Variants in GJB7 observed in about 807,000 individuals in gnomAD.
GJB7 encodes gap junction protein beta 7.
For missense variants in GJB7, 253 were observed against 256.8 expected (o/e 0.99, Z 0.10); for synonymous variants, 87 against 95.2 (o/e 0.91, Z 0.50).
At chr6:87,324,232 C>G (rs1283458629) in intron 1 of GJB7, among the ~76,000 whole-genome samples, 1 of 152,132 alleles carries the variant, frequency 6.6e-6, no homozygotes. Context: ...GTTGCCTGTT[C>G]ACTCTGATGG....
At chr6:87,328,785 T>C (rs1001649560) in intron 1 of GJB7, among the ~76,000 whole-genome samples, 1 of 152,200 alleles carries the variant, frequency 6.6e-6, no homozygotes, top group African/African-American at 2.4e-5. Flanking sequence ...TCCACCCAGT[T>C]CGAGCTTCCC....
chr6:87,319,126 C>A (rs141735432), intron 2 of GJB7, among the ~76,000 whole-genome samples: 1 of 152,160 alleles, frequency 6.6e-6, no homozygotes, highest in Non-Finnish European at 1.5e-5. Context: ...TTTATGCAAT[C>A]CCATCAAATA....
At chr6:87,296,587 G>A (rs1776251801) in intron 2 of GJB7, among the ~76,000 whole-genome samples, 1 of 152,096 alleles carries the variant, frequency 6.6e-6, no homozygotes, top group South Asian at 2.1e-4. Context: ...GCGTCTGACA[G>A]GTAATAGGTA....
rs546180101 is a variant in GJB7 at position 87,316,581 on chromosome 6, T to C, written c.-28+6285A>G. Among the ~76,000 whole-genome samples, 9 of 152,312 alleles carry C rather than the reference T, an allele frequency of 5.9e-5. No homozygotes were observed. The East Asian group carries it at 1.7e-3, about 29-fold the overall frequency. ...TATTTTAGAAAGGAGGACAACAGCT[T>C]GTAGGGGAGCTTGGCTGGTGGCAAA... is the stretch of plus-strand genomic sequence containing the variant. On this transcript the variant is annotated intron_variant, in intron 2 of 2. Coordinates refer to ENST00000525899, the MANE Select transcript of GJB7 (RefSeq NM_198568.3).
At chr6:87,306,752 A>T (rs1478281454) in intron 2 of GJB7, among the ~76,000 whole-genome samples, 10 of 152,242 alleles carry the variant, frequency 6.6e-5, no homozygotes, top group Admixed American at 6.5e-4. Context: ...ACTATTTACA[A>T]TAGCAAAGAC....
At chr6:87,315,795 CAAAAA>C (rs1161194601) in intron 2 of GJB7, among the ~76,000 whole-genome samples, 3 of 72,352 alleles carry the variant, frequency 4.1e-5, no homozygotes, top group African/African-American at 1.3e-4. Flanking sequence ...GACTCTATCT[CAAAAA>C]AAAAAAAAAA....
At chr6:87,315,813 A>G (rs79692040) in intron 2 of GJB7, among the ~76,000 whole-genome samples, 7,868 of 148,372 alleles carry the variant, frequency 0.053, 439 homozygotes, top group African/African-American at 0.13. Flanking sequence ...AAAAAAAAAA[A>G]AAAGAAAGAA....
At chr6:87,316,807 G>T (rs1378795864) in intron 2 of GJB7, among the ~76,000 whole-genome samples, 1 of 152,122 alleles carries the variant, frequency 6.6e-6, no homozygotes, top group Non-Finnish European at 1.5e-5. Flanking sequence ...TTTCTCTCAT[G>T]TTCCATTTTA....
chr6:87,302,986 T>G (rs555215073), intron 2 of GJB7, among the ~76,000 whole-genome samples: 1 of 152,306 alleles, frequency 6.6e-6, no homozygotes, highest in East Asian at 1.9e-4. Flanking sequence ...GCTGAGAGAT[T>G]TGTCACCACC....
chr6:87,284,653 G>A lies in GJB7; in HGVS notation c.260C>T (p.Pro87Leu), dbSNP rs1161361143. ...TACATGTAAAACCACCAGAAGTGAA[G>A]GTGTGGAGACCATTATCAGTTGTAA... Reference protein sequence around the residue: ...WALQLIMVSTPSLLVVLHVAY... With the variant: ...WALQLIMVSTLSLLVVLHVAY... The change falls in exon 3 of 3, where the codon CCT becomes CTT. Residue 87 changes from proline to leucine, a missense_variant. Transcript: ENST00000525899. The A allele has an allele frequency of 6.2e-7, 1 of 1,614,026 alleles. No individual in the cohort carries two copies. The highest frequency in any genetic ancestry group is 1.3e-5 in the African/African-American group (1 of 74,896).
intron 2 of GJB7, chr6:87,299,935 T>C: frequency 3.3e-6 from 1 of 305,904 alleles, no homozygotes; most frequent in Non-Finnish European, 6.6e-6. Context: ...TGAATGTATG[T>C]CTGGCAAAAC....
chr6:87,291,742 T>G (rs1776177681), intron 2 of GJB7, among the ~76,000 whole-genome samples: 1 of 152,204 alleles, frequency 6.6e-6, no homozygotes, highest in Non-Finnish European at 1.5e-5. Context: ...TTTGCAATAA[T>G]TTGGATAACT....
intron 2 of GJB7, chr6:87,299,215 A>G (rs558867560): frequency 6.7e-6 from 3 of 445,604 alleles, no homozygotes; most frequent in South Asian, 5.1e-5. Flanking sequence ...TAATTGCTGA[A>G]CTTAAGAAGC....
At chr6:87,324,993 G>A (rs1317632788) in intron 1 of GJB7, among the ~76,000 whole-genome samples, 3 of 151,932 alleles carry the variant, frequency 2.0e-5, no homozygotes, top group African/African-American at 7.3e-5. Context: ...CACATCCCTT[G>A]TAAGTTGGAT....
chr6:87,295,556 A>G (rs890988493), intron 2 of GJB7, among the ~76,000 whole-genome samples: 2 of 152,338 alleles, frequency 1.3e-5, no homozygotes, highest in African/African-American at 4.8e-5. Context: ...CTGTGGGTAC[A>G]GAATATCTGA....
chr6:87,299,217 T>C, intron 2 of GJB7: 1 of 446,882 alleles, frequency 2.2e-6, no homozygotes, highest in Admixed American at 2.5e-5. Flanking sequence ...ATTGCTGAAC[T>C]TAAGAAGCTG....
At chr6:87,316,230 AGAT>A (rs1234807737) in intron 2 of GJB7, among the ~76,000 whole-genome samples, 21 of 152,208 alleles carry the variant, frequency 1.4e-4, no homozygotes, top group Non-Finnish European at 2.8e-4. Flanking sequence ...GCTAGTCACT[AGAT>A]ATTTTGAATG....
chr6:87,301,374 G>C (rs1451581985), intron 2 of GJB7, among the ~76,000 whole-genome samples: 1 of 152,218 alleles, frequency 6.6e-6, no homozygotes, highest in Non-Finnish European at 1.5e-5. Flanking sequence ...AGCACACCAG[G>C]AGATTATATC....
At chr6:87,298,703 G>A (rs440296) in intron 2 of GJB7, 72,616 of 178,976 alleles carry the variant, frequency 0.41, 15,146 homozygotes, top group Admixed American at 0.53. Flanking sequence ...CCATGGAAAT[G>A]GGCTCGCCCC....
Sources: allele counts gnomAD v4.1 joint callset (sites outside exome capture counted in the v4.1 genomes callset), GRCh38; gene constraint gnomAD v4.1.1; transcripts MANE v1.5; gene names NCBI Gene and HGNC (gene_info 2026-07-23, HGNC 2026-07-21).